Variants in SLC38A8 observed in about 807,000 individuals in gnomAD.
The protein encoded by SLC38A8 is amino acid transporter SLC38A8.
A neutral mutation model predicts 46.0 loss-of-function variants in SLC38A8; 65 were observed. The ratio of observed to expected loss-of-function variants is 1.41; its 90% CI spans 1.16 to 1.74. The LOEUF is 1.74. Among genes scored for constraint, SLC38A8 ranks in the 40% most tolerant of loss-of-function variants. The pLI, the probability that SLC38A8 is intolerant of heterozygous loss-of-function variation, is 0.00. For synonymous variants in SLC38A8, 447 were observed against 243.7 expected, an observed-to-expected ratio of 1.83 and a Z score of -7.77; for missense variants, 998 against 567.9, an observed-to-expected ratio of 1.76 and a Z score of -7.70.
At position 84,037,256 on chromosome 16, in the gene SLC38A8, G is replaced by A. The variant is rs753512979; in HGVS notation, c.190-356C>T. Among the ~76,000 whole-genome samples the A allele has an allele frequency of 1.0e-3, 152 of 152,228 alleles. 1 individual carries two copies. The highest frequency in any genetic ancestry group is 1.5e-3 in the Non-Finnish European group (105 of 68,036). ...GGCTGTGGGTGGAGAGGCAGTAGGC[G>A]TGGTGGCTTGGAACCCGAGGTGGAG... On this transcript the variant is annotated intron_variant, in intron 2 of 10. Coordinates refer to ENST00000299709, the MANE Select transcript of SLC38A8 (RefSeq NM_001080442.3).
rs2151126155 is a variant in SLC38A8, at chr16:84,033,320, G to A, written c.530+8C>T. On this transcript the variant is annotated splice_region_variant and intron_variant, in intron 4 of 10. Coordinates refer to ENST00000299709, the MANE Select transcript of SLC38A8 (RefSeq NM_001080442.3). ...GGGGCCCCCACCAGGCAGCATCCCAGCCCTTACCTTGTGTATTTCTGGAAG... is the reference window on the plus strand; with the variant it reads ...GGGGCCCCCACCAGGCAGCATCCCAACCCTTACCTTGTGTATTTCTGGAAG... The A allele has an allele frequency of 6.2e-7, 1 of 1,613,952 alleles. No individual in the cohort carries two copies. The highest frequency in any genetic ancestry group is 1.7e-5 in the Admixed American group (1 of 59,994).
At chr16:84,033,770 T>A (rs2085272706) in intron 3 of SLC38A8, among the ~76,000 whole-genome samples, 1 of 152,170 alleles carries the variant, frequency 6.6e-6, no homozygotes, top group Admixed American at 6.5e-5. Flanking sequence ...CCTTACATTC[T>A]GGTGAAAGAC....
Position 84,016,743 on chromosome 16 carries a change from A to G in SLC38A8, c.954-16T>C. 1 of 1,607,216 alleles carries G rather than the reference A, an allele frequency of 6.2e-7. No homozygotes were observed. ...CATCACTGACCTGGAGGCCACAGCCAACACAGACACATGGGCATCTCAGGG... is the reference window on the plus strand; with the variant it reads ...CATCACTGACCTGGAGGCCACAGCCGACACAGACACATGGGCATCTCAGGG... On this transcript the variant is annotated splice_polypyrimidine_tract_variant and intron_variant, in intron 8 of 10. Coordinates refer to ENST00000299709, the MANE Select transcript of SLC38A8 (RefSeq NM_001080442.3).
At chr16:84,034,194 G>C (rs1157700162) in intron 3 of SLC38A8, among the ~76,000 whole-genome samples, 2 of 152,192 alleles carry the variant, frequency 1.3e-5, no homozygotes, top group African/African-American at 2.4e-5. Context: ...ATGGCAGCTG[G>C]GGGACCCCAG....
At chr16:84,026,762 C>A (rs892610218) in intron 6 of SLC38A8, among the ~76,000 whole-genome samples, 3 of 152,192 alleles carry the variant, frequency 2.0e-5, no homozygotes, top group Admixed American at 1.3e-4. Context: ...ATGAATCCCA[C>A]CAACACGGCG....
chr16:84,022,484 G>C (rs927616163), intron 7 of SLC38A8, among the ~76,000 whole-genome samples: 1 of 152,212 alleles, frequency 6.6e-6, no homozygotes, highest in African/African-American at 2.4e-5. Context: ...GCAGGGCTGG[G>C]GTGTGGTGTG....
At chr16:84,042,932 C>T (rs997883011), upstream of SLC38A8, among the ~76,000 whole-genome samples, 9 of 152,194 alleles carry the variant, frequency 5.9e-5, no homozygotes, top group South Asian at 2.1e-4. Context: ...GGGAGCCACA[C>T]GGGGCAGGGG....
At chr16:84,027,942 G>A (rs1465066619) in intron 6 of SLC38A8, among the ~76,000 whole-genome samples, 1 of 152,148 alleles carries the variant, frequency 6.6e-6, no homozygotes, top group Non-Finnish European at 1.5e-5. Context: ...TCAAAATATT[G>A]GGCGTGCAGG....
rs2085113596 is a variant in SLC38A8 at position 84,022,977 on chromosome 16, T to C, written c.691-88A>G. ...AAACTCATATCCAAAAGGCGGGAAA[T>C]GTGGGATATGATGAGGTTTCTCTTG... On this transcript the variant is annotated intron_variant, in intron 6 of 10. Coordinates refer to ENST00000299709, the MANE Select transcript of SLC38A8 (RefSeq NM_001080442.3). 5 of 894,178 alleles carry C rather than the reference T, an allele frequency of 5.6e-6. No individual in the cohort carries two copies. In the East Asian group the frequency reaches 1.4e-4, roughly 25 times the overall value. The allele number at this position is 894,178 out of a possible 1,614,324, so 55.4% of individuals were successfully genotyped here. A position where few individuals can be genotyped will look rare whatever the true frequency, so the allele number is the denominator to read the frequency against.
At position 84,033,340 on chromosome 16, in the gene SLC38A8, T is replaced by C. The variant is rs1246108009; in HGVS notation, c.518A>G (p.Gln173Arg). 3.1e-6 allele frequency: 5 copies of C among 1,613,926 alleles called. No individual in the cohort carries two copies. The African/African-American group carries it at 5.3e-5, about 17-fold the overall frequency. ...TCCCAGCCCTTACCTTGTGTATTTC[T>C]GGAAGGCGATCTCCCGCGGGGCAGA... ...PLSAPREIAF[Q>R]KYTSILGTLA... Residue 173 changes from glutamine to arginine, a missense_variant, in exon 4 of 11, where the codon CAG becomes CGG. Physicochemically the swap from Gln to Arg is conservative, Grantham distance 43 (BLOSUM62 1). Coordinates refer to ENST00000299709, the MANE Select transcript of SLC38A8 (RefSeq NM_001080442.3).
chr16:84,037,029 G>A (rs994483507), intron 2 of SLC38A8, 129 bp from the exon 3 acceptor site: 19 of 908,458 alleles, frequency 2.1e-5, no homozygotes, highest in Non-Finnish European at 2.9e-5. Flanking sequence ...GCCAACATGG[G>A]GTTGGCAGTC....
chr16:84,027,867 C>T (rs1208126263), intron 6 of SLC38A8, among the ~76,000 whole-genome samples: 1 of 152,148 alleles, frequency 6.6e-6, no homozygotes, highest in Non-Finnish European at 1.5e-5. Context: ...CGCTTGGGCA[C>T]AGAGAGAGGT....
Position 84,016,688 on chromosome 16 carries a change from C to G in SLC38A8, c.993G>C (p.Gly331=), listed in dbSNP as rs933448636. 1 of 1,613,284 alleles carries G rather than the reference C, an allele frequency of 6.2e-7. No homozygotes were observed. Among genetic ancestry groups the G allele is most frequent in the African/African-American group, 1.3e-5 (1 of 74,924 alleles). Residue 331 remains glycine, a synonymous_variant, in exon 9 of 11, where the codon GGG becomes GGC. Coordinates refer to ENST00000299709, the MANE Select transcript of SLC38A8 (RefSeq NM_001080442.3). ...CGGCCAGGGCGCTGGGCCCCCATCC[C>G]CCCAAGCAGCTCCTCCTCCAGAAGT... ...MQDFWRRSCL[G]GWGPSALADP...
intron 7 of SLC38A8, among the ~76,000 whole-genome samples, chr16:84,020,171 T>G (rs1165280573): frequency 6.6e-6 from 1 of 151,284 alleles, no homozygotes; most frequent in East Asian, 1.9e-4. Flanking sequence ...GACAGGGTCT[T>G]GCCCTGTCAC....
intron 10 of SLC38A8, among the ~76,000 whole-genome samples, chr16:84,012,429 C>G (rs2084965368): frequency 6.6e-6 from 1 of 152,222 alleles, no homozygotes; most frequent in Non-Finnish European, 1.5e-5. Flanking sequence ...CATTGTATGC[C>G]AGGCAGGTGG....
chr16:84,019,373 C>A (rs572009069), intron 7 of SLC38A8, among the ~76,000 whole-genome samples: 1 of 152,246 alleles, frequency 6.6e-6, no homozygotes, highest in South Asian at 2.1e-4. Flanking sequence ...CGCACCCAGC[C>A]TCCAATATTT....
At chr16:84,043,367 G>C (rs2085387926), upstream of SLC38A8, among the ~76,000 whole-genome samples, 1 of 152,144 alleles carries the variant, frequency 6.6e-6, no homozygotes, top group African/African-American at 2.4e-5. Flanking sequence ...TGGAACCCAG[G>C]CTCCCTCTCA....
upstream of SLC38A8, among the ~76,000 whole-genome samples, chr16:84,043,204 G>A (rs1567460903): frequency 6.6e-6 from 1 of 152,186 alleles, no homozygotes; most frequent in Non-Finnish European, 1.5e-5. Flanking sequence ...CTTGGGGGAG[G>A]CGGCGGCTGC....
rs774726506 is a variant in SLC38A8 at position 84,016,686 on chromosome 16, C to T, written c.995G>A (p.Gly332Glu). 1 of 1,613,300 alleles carries T rather than the reference C, an allele frequency of 6.2e-7. No homozygotes were observed. The highest frequency in any genetic ancestry group is 8.5e-7 in the Non-Finnish European group (1 of 1,179,958). The change falls in exon 9 of 11, where the codon GGA (glycine) becomes GAA (glutamate). Residue 332 changes from glycine (G) to glutamate (E), a missense_variant. Gly to Glu is a moderately conservative substitution (Grantham distance 98). Transcript: ENST00000299709. ...QDFWRRSCLG[G>E]WGPSALADPS... is the part of the protein sequence containing the mutation. ...GTCGGCCAGGGCGCTGGGCCCCCAT[C>T]CCCCCAAGCAGCTCCTCCTCCAGAA...
Sources: allele counts gnomAD v4.1 joint callset (sites outside exome capture counted in the v4.1 genomes callset), GRCh38; gene constraint gnomAD v4.1.1; transcripts MANE v1.5; gene names NCBI Gene and HGNC (gene_info 2026-07-23, HGNC 2026-07-21).